GRAP2: variants seen among roughly 807,000 people sequenced by gnomAD.
GRAP2 encodes GRB2-related adapter protein 2.
A neutral mutation model predicts 43.5 loss-of-function variants in GRAP2; 31 were observed. The observed-to-expected ratio is 0.71, with a 90% CI of 0.54 to 0.96. The LOEUF (loss-of-function observed/expected upper bound fraction) is 0.96. Ranked by LOEUF, GRAP2 falls within the 40% of genes least tolerant of loss-of-function variation. The pLI is 0.00. For synonymous variants in GRAP2, 156 were observed against 164.8 expected, an observed-to-expected ratio of 0.95 and a Z score of 0.41; for missense variants, 371 against 424.4, an observed-to-expected ratio of 0.87 and a Z score of 1.11.
chr22:39,943,056 C>T (rs755246387), intron 1 of GRAP2, among the ~76,000 whole-genome samples: 1 of 152,146 alleles, frequency 6.6e-6, no homozygotes, highest in South Asian at 2.1e-4. Flanking sequence ...TATGCAATTG[C>T]CCTTTGTAAG....
At chr22:39,923,659 A>G (rs2066672926) in intron 1 of GRAP2, among the ~76,000 whole-genome samples, 1 of 152,260 alleles carries the variant, frequency 6.6e-6, no homozygotes, top group South Asian at 2.1e-4. Flanking sequence ...AGTAAAAAGA[A>G]ACAGTCATTT....
Position 39,947,075 on chromosome 22 carries a change from A to T in GRAP2, c.-14-18A>T. The T allele has an allele frequency of 6.9e-7, 1 of 1,441,728 alleles. No homozygotes were observed. Among genetic ancestry groups the T allele is most frequent in the Non-Finnish European group, 9.8e-7 (1 of 1,022,634 alleles). The allele number at this position is 1,441,728 out of a possible 1,614,324, so 89.3% of individuals were successfully genotyped here. On this transcript the variant is annotated intron_variant, in intron 1 of 7. Coordinates refer to ENST00000344138, the MANE Select transcript of GRAP2 (RefSeq NM_004810.4). ...CCCCTGGCAGAGAGGCACAATGACC[A>T]CATTATTTCTCTTCCAGCTTCACGT...
intron 1 of GRAP2, among the ~76,000 whole-genome samples, chr22:39,927,186 T>C (rs980313738): frequency 2.6e-5 from 4 of 152,224 alleles, no homozygotes; most frequent in Admixed American, 6.5e-5. Flanking sequence ...CCGGCCATGC[T>C]ATCCCCACTT....
chr22:39,970,765 G>GC, intron 7 of GRAP2, 140 bp from the exon 8 acceptor site: 1 of 733,700 alleles, frequency 1.4e-6, no homozygotes, highest in Middle Eastern at 4.0e-4. Flanking sequence ...TACAAAAAAA[G>GC]TTTTTTTAAG....
intron 1 of GRAP2, among the ~76,000 whole-genome samples, chr22:39,908,892 G>A (rs1420244065): frequency 1.3e-5 from 2 of 152,204 alleles, no homozygotes; most frequent in African/African-American, 4.8e-5. Context: ...GACTGTGGGA[G>A]GTTATACTGA....
intron 3 of GRAP2, among the ~76,000 whole-genome samples, chr22:39,957,230 C>T (rs1220731474): frequency 6.6e-6 from 1 of 152,150 alleles, no homozygotes; most frequent in African/African-American, 2.4e-5. Flanking sequence ...CTGAACTGAC[C>T]ACCAAACCAA....
In GRAP2 at chr22:39,922,260, G is replaced by A. The variant is rs571303520; in HGVS notation, c.-15+20930G>A. On this transcript the variant is annotated intron_variant, in intron 1 of 7. Transcript: ENST00000344138. The stretch of plus-strand genomic sequence containing the variant: ...ACTTGAAATGAGAAGATGAGGCCAG[G>A]GTACCCTTGGGGCAGAAGGGAGGGA... Among the ~76,000 whole-genome samples the A allele has an allele frequency of 1.2e-3, 181 of 152,218 alleles. 1 individual carries two copies. Among genetic ancestry groups the A allele is most frequent in the African/African-American group, 4.2e-3 (174 of 41,520 alleles).
chr22:39,908,297 C>T (rs532796728), intron 1 of GRAP2, among the ~76,000 whole-genome samples: 1 of 152,340 alleles, frequency 6.6e-6, no homozygotes, highest in Non-Finnish European at 1.5e-5. Flanking sequence ...CCATTAGAAA[C>T]TACAAACATC....
intron 1 of GRAP2, among the ~76,000 whole-genome samples, chr22:39,942,065 T>G (rs1319891476): frequency 6.6e-6 from 1 of 152,190 alleles, no homozygotes; most frequent in Non-Finnish European, 1.5e-5. Flanking sequence ...CCTTTCATTT[T>G]ATAAAGCGAT....
intron 1 of GRAP2, among the ~76,000 whole-genome samples, chr22:39,912,779 G>A (rs925015972): frequency 2.0e-5 from 3 of 152,144 alleles, no homozygotes; most frequent in South Asian, 2.1e-4. Flanking sequence ...AGCAGTGGCC[G>A]GAGTGATGGT....
At chr22:39,927,040 G>A (rs2066709646) in intron 1 of GRAP2, among the ~76,000 whole-genome samples, 1 of 152,176 alleles carries the variant, frequency 6.6e-6, no homozygotes, top group South Asian at 2.1e-4. Flanking sequence ...GACTAGAATT[G>A]CTTCTCCCAG....
At chr22:39,955,226 C>A (rs974417165) in intron 2 of GRAP2, among the ~76,000 whole-genome samples, 5 of 151,986 alleles carry the variant, frequency 3.3e-5, no homozygotes, top group African/African-American at 1.2e-4. Context: ...GGTGTAGTGG[C>A]GCATGCCTGT....
intron 1 of GRAP2, among the ~76,000 whole-genome samples, chr22:39,931,000 G>GA (rs971618522): frequency 2.6e-5 from 4 of 152,186 alleles, no homozygotes; most frequent in African/African-American, 9.7e-5. Flanking sequence ...TGAACCACTT[G>GA]AGGTGTGGTT....
chr22:39,941,254 T>C (rs1479863930), intron 1 of GRAP2, among the ~76,000 whole-genome samples: 1 of 152,196 alleles, frequency 6.6e-6, no homozygotes, highest in African/African-American at 2.4e-5. Context: ...TGCCATTCGT[T>C]GGACACCTAC....
At chr22:39,915,252 C>A (rs1218816913) in intron 1 of GRAP2, among the ~76,000 whole-genome samples, 2 of 151,584 alleles carry the variant, frequency 1.3e-5, no homozygotes, top group African/African-American at 2.4e-5. Flanking sequence ...TTATTCTATC[C>A]CCATGTTCTG....
chr22:39,935,769 G>A (rs1238493257), intron 1 of GRAP2, among the ~76,000 whole-genome samples: 1 of 152,170 alleles, frequency 6.6e-6, no homozygotes, highest in Admixed American at 6.5e-5. Context: ...AAAAGTGACA[G>A]CAAGATTAAA....
chr22:39,940,567 A>G (rs142443681), intron 1 of GRAP2, among the ~76,000 whole-genome samples: 2 of 152,198 alleles, frequency 1.3e-5, no homozygotes, highest in East Asian at 3.9e-4. Context: ...TCCAATGCCC[A>G]ATAAGAGGTA....
intron 1 of GRAP2, among the ~76,000 whole-genome samples, chr22:39,935,310 C>A (rs2066795637): frequency 1.3e-5 from 2 of 152,194 alleles, no homozygotes; most frequent in Admixed American, 6.5e-5. Context: ...TCACTCCAAT[C>A]CCAGCCGTCC....
intron 1 of GRAP2, among the ~76,000 whole-genome samples, chr22:39,936,718 T>TG (rs1214759332): frequency 6.6e-6 from 1 of 151,126 alleles, no homozygotes; most frequent in Non-Finnish European, 1.5e-5. Flanking sequence ...GACAGGGTGG[T>TG]GGGGGGGACC....
Sources: gnomAD v4.1 joint callset for allele counts (sites outside exome capture counted in the v4.1 genomes callset) on GRCh38, gnomAD v4.1.1 for gene constraint, MANE v1.5 for transcripts, NCBI Gene and HGNC (gene_info 2026-07-23, HGNC 2026-07-21) for gene names.